CSMD3: variants seen among roughly 807,000 people sequenced by gnomAD.
CSMD3 encodes the protein CUB and Sushi multiple domains 3, also known as CUB and sushi domain-containing protein 3.
In CSMD3, 177 loss-of-function variants were observed where a neutral mutation model predicts 435.2. The observed-to-expected ratio is 0.41, with a 90% CI of 0.36 to 0.46. The LOEUF (loss-of-function observed/expected upper bound fraction) is 0.46, where lower values mean the gene tolerates loss of function less well. Ranked by LOEUF, CSMD3 falls within the 20% of genes least tolerant of loss-of-function variation. The pLI is 0.34. For synonymous variants in CSMD3, 1,656 were observed against 1,520.5 expected, an observed-to-expected ratio of 1.09 and a Z score of -2.07; for missense variants, 4,265 against 4,504.6, an observed-to-expected ratio of 0.95 and a Z score of 1.52.
At chr8:112,965,775 C>T (rs1474254359) in intron 7 of CSMD3, among the ~76,000 whole-genome samples, 3 of 151,814 alleles carry the variant, frequency 2.0e-5, no homozygotes, top group Middle Eastern at 3.4e-3. Flanking sequence ...CTTCTTTCTT[C>T]TTAAAAACAA....
chr8:112,426,850 A>G (rs761183614), intron 32 of CSMD3, among the ~76,000 whole-genome samples: 42 of 152,216 alleles, frequency 2.8e-4, no homozygotes, highest in African/African-American at 1.0e-3. Context: ...ATTATGTACA[A>G]AAAATAAAAT....
At chr8:113,389,968 C>T (rs1588647633) in intron 1 of CSMD3, among the ~76,000 whole-genome samples, 1 of 151,572 alleles carries the variant, frequency 6.6e-6, no homozygotes, top group Admixed American at 6.6e-5. Flanking sequence ...GACATTATTG[C>T]TATTATTTTC....
At chr8:112,825,335 T>G (rs2079645715) in intron 12 of CSMD3, among the ~76,000 whole-genome samples, 1 of 152,204 alleles carries the variant, frequency 6.6e-6, no homozygotes, top group Non-Finnish European at 1.5e-5. Flanking sequence ...TCTGTCCAGT[T>G]CTGTGCCCTT....
chr8:112,302,051 T>C (rs1820974391), intron 52 of CSMD3, 85 bp from the exon 53 acceptor site: 3 of 914,014 alleles, frequency 3.3e-6, no homozygotes, highest in Non-Finnish European at 3.5e-6. Flanking sequence ...CATTTTGAGC[T>C]TCCTATGATT....
At chr8:112,351,122 T>C (rs1444745156) in intron 40 of CSMD3, 53 bp downstream of exon 40, 32 of 1,102,718 alleles carry the variant, frequency 2.9e-5, no homozygotes, top group Non-Finnish European at 3.6e-5. Flanking sequence ...TTTATAGTCT[T>C]TTTTTTTACA....
At chr8:113,113,006 A>G (rs529925038) in intron 4 of CSMD3, among the ~76,000 whole-genome samples, 2 of 152,292 alleles carry the variant, frequency 1.3e-5, no homozygotes, top group Admixed American at 1.3e-4. Context: ...TATCCCCGCA[A>G]TGCCACAGCT....
chr8:112,874,659 C>T (rs1326664041), intron 10 of CSMD3, among the ~76,000 whole-genome samples: 3 of 152,070 alleles, frequency 2.0e-5, no homozygotes, highest in Non-Finnish European at 4.4e-5. Context: ...TATGTAATGT[C>T]CTTCTTTGTC....
rs116805382 is a variant in CSMD3, at chr8:112,925,589, A to G, written c.1509-3838T>C. Among the ~76,000 whole-genome samples, 1,099 of 152,124 alleles carry G rather than the reference A, an allele frequency of 7.2e-3. 12 individuals carry two copies. Among genetic ancestry groups the G allele is most frequent in the African/African-American group, 0.025 (1,059 of 41,536 alleles). ...ATTAAATATTTTCATCTCTTTGTGCATTGCTTTCCCATACCTCAGTAGAAC... is the reference window on the plus strand; with the variant it reads ...ATTAAATATTTTCATCTCTTTGTGCGTTGCTTTCCCATACCTCAGTAGAAC... On this transcript the variant is annotated intron_variant, in intron 9 of 70. Transcript: ENST00000297405.
At chr8:112,771,494 G>C (rs540654070) in intron 13 of CSMD3, among the ~76,000 whole-genome samples, 1 of 151,856 alleles carries the variant, frequency 6.6e-6, no homozygotes, top group Admixed American at 6.6e-5. Flanking sequence ...AGCCAAGATC[G>C]TGCCAACGCA....
intron 3 of CSMD3, among the ~76,000 whole-genome samples, chr8:113,268,907 T>G (rs1189978702): frequency 6.6e-6 from 1 of 152,022 alleles, no homozygotes; most frequent in African/African-American, 2.4e-5. Flanking sequence ...ATACGTGATA[T>G]TATATAGGGA....
intron 5 of CSMD3, among the ~76,000 whole-genome samples, chr8:113,020,981 T>G (rs1384324466): frequency 6.6e-6 from 1 of 152,214 alleles, no homozygotes; most frequent in African/African-American, 2.4e-5. Flanking sequence ...GATGACCACC[T>G]GCCCATTAAA....
At chr8:112,548,604 T>C (rs1332230800) in intron 27 of CSMD3, among the ~76,000 whole-genome samples, 2 of 152,162 alleles carry the variant, frequency 1.3e-5, no homozygotes, top group Non-Finnish European at 1.5e-5. Context: ...CCATATCTTA[T>C]ATGGCTTTTG....
At chr8:112,412,080 T>C (rs1352581909) in intron 32 of CSMD3, among the ~76,000 whole-genome samples, 1 of 152,136 alleles carries the variant, frequency 6.6e-6, no homozygotes, top group African/African-American at 2.4e-5. Flanking sequence ...ATCTAATTTA[T>C]CTATTAACCA....
At chr8:113,419,125 GT>G (rs59486645) in intron 1 of CSMD3, among the ~76,000 whole-genome samples, 31,219 of 133,098 alleles carry the variant, frequency 0.23, 3,244 homozygotes, top group East Asian at 0.43. Context: ...TTTTTGGTTT[GT>G]TTTTTTTTTT....
intron 5 of CSMD3, among the ~76,000 whole-genome samples, chr8:113,078,069 C>A (rs2089418459): frequency 6.6e-6 from 1 of 152,252 alleles, no homozygotes; most frequent in Non-Finnish European, 1.5e-5. Context: ...GGAAGAACAT[C>A]CTGGCAAAAT....
At chr8:112,404,078 C>T (rs1440581392) in intron 35 of CSMD3, among the ~76,000 whole-genome samples, 1 of 151,784 alleles carries the variant, frequency 6.6e-6, no homozygotes, top group Non-Finnish European at 1.5e-5. Flanking sequence ...GTGGGAGTGG[C>T]GATATCAAAT....
intron 69 of CSMD3, 92 bp from the exon 70 acceptor site, chr8:112,228,983 G>C (rs2129844345): frequency 2.7e-6 from 2 of 738,336 alleles, no homozygotes; most frequent in Admixed American, 5.1e-5. Context: ...CTATTCTCAA[G>C]ATATCTACCT....
chr8:112,846,644 A>C (rs960261103), intron 11 of CSMD3, among the ~76,000 whole-genome samples: 3 of 151,950 alleles, frequency 2.0e-5, no homozygotes, highest in Admixed American at 2.0e-4. Flanking sequence ...TCCTGGCCTC[A>C]AGTGATCCTC....
intron 13 of CSMD3, among the ~76,000 whole-genome samples, chr8:112,703,705 G>GTTAA (rs1240711437): frequency 6.6e-6 from 1 of 152,000 alleles, no homozygotes; most frequent in Non-Finnish European, 1.5e-5. Flanking sequence ...GAAGCCTTTT[G>GTTAA]GGAATCTCAT....
Sources: allele counts gnomAD v4.1 joint callset (sites outside exome capture counted in the v4.1 genomes callset), GRCh38; gene constraint gnomAD v4.1.1; transcripts MANE v1.5; gene names NCBI Gene and HGNC (gene_info 2026-07-23, HGNC 2026-07-21).